DSCAM: variants seen among roughly 807,000 people sequenced by gnomAD.
DSCAM encodes DS cell adhesion molecule.
Under a neutral mutation model 217.7 loss-of-function variants are expected in DSCAM, and 47 were observed. The observed-to-expected ratio is 0.22, with a 90% CI of 0.17 to 0.28. The LOEUF (loss-of-function observed/expected upper bound fraction) is 0.28. DSCAM is among the 10% of genes least tolerant of loss of function. The pLI, the probability that DSCAM is intolerant of heterozygous loss-of-function variation, is 1.00. For missense variants in DSCAM, 2,080 were observed against 2,618.3 expected, an observed-to-expected ratio of 0.79 and a Z score of 4.49; for synonymous variants, 1,056 against 1,015.3, an observed-to-expected ratio of 1.04 and a Z score of -0.76.
chr21:40,014,302 A>C (rs2088117345), intron 32 of DSCAM, among the ~76,000 whole-genome samples: 1 of 152,220 alleles, frequency 6.6e-6, no homozygotes, highest in South Asian at 2.1e-4. Flanking sequence ...AGGCAGGAGA[A>C]TCGCTTGAAC....
chr21:40,108,617 A>G (rs2089853439), intron 20 of DSCAM, among the ~76,000 whole-genome samples: 1 of 152,216 alleles, frequency 6.6e-6, no homozygotes, highest in South Asian at 2.1e-4. Context: ...TTAAACTACC[A>G]TTAAGATTCT....
chr21:40,699,397 G>T (rs2146463618), intron 2 of DSCAM, among the ~76,000 whole-genome samples: 1 of 152,272 alleles, frequency 6.6e-6, no homozygotes, highest in Non-Finnish European at 1.5e-5. Flanking sequence ...TCATGTGAAA[G>T]AAATGGTCTC....
intron 1 of DSCAM, among the ~76,000 whole-genome samples, chr21:40,828,402 T>G (rs1178372917): frequency 6.6e-6 from 1 of 152,108 alleles, no homozygotes; most frequent in East Asian, 1.9e-4. Flanking sequence ...GTGTGGGACC[T>G]GAGATTAAGG....
intron 20 of DSCAM, among the ~76,000 whole-genome samples, chr21:40,123,588 T>C (rs1211564574): frequency 6.6e-6 from 1 of 152,194 alleles, no homozygotes; most frequent in Non-Finnish European, 1.5e-5. Flanking sequence ...ATATGAACGA[T>C]AACAAAAACC....
At chr21:40,133,642 A>C (rs892020553) in intron 19 of DSCAM, among the ~76,000 whole-genome samples, 9 of 152,208 alleles carry the variant, frequency 5.9e-5, no homozygotes, top group African/African-American at 1.9e-4. Flanking sequence ...GAAAGAAGAA[A>C]AAATATAGAG....
At position 40,151,771 on chromosome 21, in the gene DSCAM, G is replaced by A. The variant is rs548922341; in HGVS notation, c.3019-7040C>T. Among the ~76,000 whole-genome samples, 16 of 152,288 alleles carry A rather than the reference G, an allele frequency of 1.1e-4. No homozygotes were observed. The South Asian group carries it at 3.3e-3, about 32-fold the overall frequency. ...CTCAGCAGTCTAGTGTGACAGCCGG[G>A]AAGTGTGGATTCAAGCTGAGAGTTG... On this transcript the variant is annotated intron_variant, in intron 16 of 32. Coordinates refer to ENST00000400454, the MANE Select transcript of DSCAM (RefSeq NM_001389.5).
rs754278262 is a variant in DSCAM at position 40,133,868 on chromosome 21, C to T, written c.3548G>A (p.Arg1183Gln). The T allele has an allele frequency of 1.0e-5, 16 of 1,607,490 alleles. No individual in the cohort carries two copies. The highest frequency in any genetic ancestry group is 1.3e-5 in the African/African-American group (1 of 74,688). ...CCGTCTCTCACCATCCTCTTTGGTC[C>T]GGGTGAAGATCTGCTCACTCCTGAC... is the stretch of plus-strand genomic sequence containing the variant. ...DGVRSEQIFT[R>Q]TKEDVPGPPA... Residue 1183 changes from arginine to glutamine, a missense_variant, in exon 19 of 33, where the codon CGG becomes CAG. Around this residue, in one of 5 missense-constraint regions of DSCAM, gnomAD observed 1,144 missense variants for 1,421.1 expected, o/e 0.81. Transcript: ENST00000400454.
chr21:40,154,045 T>C (rs1443976828), intron 16 of DSCAM, among the ~76,000 whole-genome samples: 1 of 152,080 alleles, frequency 6.6e-6, no homozygotes, highest in African/African-American at 2.4e-5. Flanking sequence ...ATAGGGGTGG[T>C]GTGAGAACCA....
intron 3 of DSCAM, among the ~76,000 whole-genome samples, chr21:40,657,723 A>AC (rs1467132429): frequency 6.6e-6 from 1 of 152,194 alleles, no homozygotes; most frequent in Non-Finnish European, 1.5e-5. Context: ...TTTCTAAAGT[A>AC]CTGGTGGTAC....
chr21:40,648,957 C>A (rs12482290), intron 3 of DSCAM, among the ~76,000 whole-genome samples: 13,342 of 152,062 alleles, frequency 0.088, 680 homozygotes, highest in Middle Eastern at 0.17. Context: ...GCAAGCTCAG[C>A]GGGTGGGGGT....
chr21:40,017,186 A>G (rs372436414), intron 32 of DSCAM, among the ~76,000 whole-genome samples: 2 of 152,294 alleles, frequency 1.3e-5, no homozygotes. Context: ...TACAATTTAA[A>G]TGAGCATACA....
chr21:40,086,878 G>C (rs1462020401), intron 22 of DSCAM, among the ~76,000 whole-genome samples: 2 of 152,130 alleles, frequency 1.3e-5, no homozygotes, highest in African/African-American at 4.8e-5. Context: ...TACCTGAGAG[G>C]GTGCAGCAAA....
intron 11 of DSCAM, among the ~76,000 whole-genome samples, chr21:40,244,335 CAACT>C (rs1324672462): frequency 6.6e-6 from 1 of 151,724 alleles, no homozygotes; most frequent in African/African-American, 2.4e-5. Flanking sequence ...CCTATAATCC[CAACT>C]ACTTGGGAGG....
intron 1 of DSCAM, among the ~76,000 whole-genome samples, chr21:40,818,009 T>C (rs535516707): frequency 4.0e-3 from 557 of 140,282 alleles, no homozygotes; most frequent in Non-Finnish European, 6.8e-3. Context: ...GGCAGGAGAA[T>C]GGCGTGAACC....
intron 3 of DSCAM, among the ~76,000 whole-genome samples, chr21:40,527,148 A>C (rs1450293750): frequency 1.2e-4 from 18 of 152,176 alleles, no homozygotes; most frequent in Admixed American, 1.2e-3. Context: ...ATGGACATAC[A>C]GGTGAAGCTC....
chr21:40,313,580 G>A (rs35666637), intron 8 of DSCAM, among the ~76,000 whole-genome samples: 73 of 152,292 alleles, frequency 4.8e-4, no homozygotes, highest in Non-Finnish European at 9.6e-4. Context: ...TATGAGCAAA[G>A]TAATATGCTC....
chr21:40,610,944 A>C (rs2089305330), intron 3 of DSCAM, among the ~76,000 whole-genome samples: 1 of 152,282 alleles, frequency 6.6e-6, no homozygotes, highest in South Asian at 2.1e-4. Context: ...TCTTCAGAGC[A>C]GCTTTGTCCC....
At chr21:40,837,711 A>C (rs1006160134) in intron 1 of DSCAM, among the ~76,000 whole-genome samples, 2 of 152,186 alleles carry the variant, frequency 1.3e-5, no homozygotes, top group African/African-American at 4.8e-5. Context: ...AACGAAATAG[A>C]CAAGTGACTA....
At chr21:40,088,937 C>T (rs1030678559) in intron 21 of DSCAM, among the ~76,000 whole-genome samples, 1 of 152,228 alleles carries the variant, frequency 6.6e-6, no homozygotes, top group Non-Finnish European at 1.5e-5. Flanking sequence ...ATAAAGACTT[C>T]ACTGTATGTG....
Sources: gnomAD v4.1 joint callset for allele counts (sites outside exome capture counted in the v4.1 genomes callset) on GRCh38, gnomAD v4.1.1 for gene constraint, gnomAD v4.1.1 regional missense constraint, MANE v1.5 for transcripts, NCBI Gene and HGNC (gene_info 2026-07-23, HGNC 2026-07-21) for gene names.